Variants in DMD observed in about 807,000 individuals in gnomAD.
The protein encoded by DMD is mutant dystrophin.
Under a neutral mutation model 330.1 loss-of-function variants are expected in DMD, and 63 were observed. The ratio of observed to expected loss-of-function variants is 0.19; its 90% CI spans 0.16 to 0.24. DMD has a LOEUF of 0.24. Ranked by LOEUF, DMD falls within the 10% of genes least tolerant of loss-of-function variation. The pLI, the probability that DMD is intolerant of heterozygous loss-of-function variation, is 1.00. For synonymous variants in DMD, 1,223 were observed against 959.8 expected (o/e 1.27, Z -5.07); for missense variants, 3,344 against 2,684.1 (o/e 1.25, Z -5.43).
At chrX:31,143,415 GC>G (rs1483472207) in intron 76 of DMD, among the ~76,000 whole-genome samples, 1 of 111,185 alleles carries the variant, frequency 9.0e-6, no homozygotes, top group Non-Finnish European at 1.9e-5. Context: ...GTTTCCTGAG[GC>G]CTCCCCAGCC....
At chrX:32,473,413 T>C (rs1444670053) in intron 21 of DMD, among the ~76,000 whole-genome samples, 1 of 111,389 alleles carries the variant, frequency 9.0e-6, no homozygotes, top group East Asian at 2.8e-4. Context: ...AAACAGATAA[T>C]GGCTAATAAT....
rs568414358 is a variant in DMD at position 31,686,771 on chromosome X, G to A, written c.7661-7185C>T. 8.4e-4 allele frequency among the ~76,000 whole-genome samples: 94 copies of A among 111,449 alleles called. 3 individuals are homozygous for A. In the South Asian group the frequency reaches 0.034, roughly 41 times the overall value. Reference sequence around the variant, plus strand: ...AATTACAGATAAATAATTTAGAAACGTCCCTCTATATATTGAAGCCAGTGG... The same window carrying A: ...AATTACAGATAAATAATTTAGAAACATCCCTCTATATATTGAAGCCAGTGG... On this transcript the variant is annotated intron_variant, in intron 52 of 78. Transcript: ENST00000357033.
intron 53 of DMD, among the ~76,000 whole-genome samples, chrX:31,674,898 G>A (rs2081992912): frequency 1.8e-5 from 2 of 112,166 alleles, no homozygotes; most frequent in Non-Finnish European, 3.8e-5. Context: ...TACTATTTTT[G>A]CCTCTTGTGA....
intron 47 of DMD, among the ~76,000 whole-genome samples, chrX:31,878,981 A>C (rs1189978379): frequency 8.9e-6 from 1 of 111,827 alleles, no homozygotes; most frequent in Non-Finnish European, 1.9e-5. Flanking sequence ...TGGAAATTTT[A>C]TTCCCAGGAA....
At position 31,537,923 on chromosome X, in the gene DMD, A is replaced by G. The variant is rs185821133; in HGVS notation, c.8218-30470T>C. On this transcript the variant is annotated intron_variant, in intron 55 of 78. Coordinates refer to ENST00000357033, the MANE Select transcript of DMD (RefSeq NM_004006.3). ...AGTATTTCAAATTTCAGGTTTTGGAATATTTGCATTACCCTATGGATATCA... is the reference window on the plus strand; with the variant it reads ...AGTATTTCAAATTTCAGGTTTTGGAGTATTTGCATTACCCTATGGATATCA... Among the ~76,000 whole-genome samples, 18 of 112,527 alleles carry G rather than the reference A, an allele frequency of 1.6e-4. No homozygotes were observed. The East Asian group carries it at 5.0e-3, about 31-fold the overall frequency.
chrX:32,332,425 T>TGTGTGTGTGTGTGTGTGTG (rs2097685255), intron 41 of DMD, among the ~76,000 whole-genome samples: 1 of 108,980 alleles, frequency 9.2e-6, no homozygotes, highest in African/African-American at 3.3e-5. Flanking sequence ...TGTGTGTGTG[T>TGTGTGTGTGTGTGTGTGTG]GTGTGTGTGT....
intron 2 of DMD, among the ~76,000 whole-genome samples, chrX:32,935,916 G>A (rs891780139): frequency 8.1e-5 from 9 of 111,159 alleles, no homozygotes; most frequent in African/African-American, 2.3e-4. Context: ...GATTTCACTA[G>A]AAAGCATTAA....
At chrX:31,969,996 A>C (rs2095384818) in intron 44 of DMD, among the ~76,000 whole-genome samples, 1 of 112,095 alleles carries the variant, frequency 8.9e-6, no homozygotes, top group African/African-American at 3.2e-5. Context: ...ATTGCTTAGT[A>C]ATAGAGACAC....
intron 62 of DMD, among the ~76,000 whole-genome samples, chrX:31,313,728 A>G (rs1260589184): frequency 1.8e-5 from 2 of 109,125 alleles, no homozygotes; most frequent in African/African-American, 6.7e-5. Flanking sequence ...TATCATGATG[A>G]TTTTAAGTAT....
intron 1 of DMD, among the ~76,000 whole-genome samples, chrX:33,117,640 G>A (rs1207490839): frequency 1.8e-5 from 2 of 111,036 alleles, no homozygotes; most frequent in African/African-American, 3.3e-5. Flanking sequence ...TGAAAACTGA[G>A]GCCCATTGAG....
At chrX:31,544,157 T>C (rs1464471034) in intron 55 of DMD, among the ~76,000 whole-genome samples, 6 of 110,410 alleles carry the variant, frequency 5.4e-5, no homozygotes, top group Non-Finnish European at 1.1e-4. Context: ...ACCCCATCTC[T>C]ACTAAAGATA....
In DMD at chrX:31,879,746, A is replaced by G. The variant is rs766777382; in HGVS notation, c.6913-4373T>C. Among the ~76,000 whole-genome samples the G allele has an allele frequency of 4.5e-5, 5 of 111,989 alleles. No individual in the cohort carries two copies. The South Asian group carries it at 1.5e-3, about 33-fold the overall frequency. On this transcript the variant is annotated intron_variant, in intron 47 of 78. Transcript: ENST00000357033. ...GTTTCCAGGAATCGAGAGTATTCCA[A>G]ATACTTCACGGAAAAATATAACAGG... is the stretch of plus-strand genomic sequence containing the variant.
intron 78 of DMD, among the ~76,000 whole-genome samples, chrX:31,124,835 T>G (rs1401967682): frequency 4.5e-5 from 5 of 111,917 alleles, no homozygotes; most frequent in Non-Finnish European, 9.4e-5. Context: ...GGTGCTCTAT[T>G]TTTTAAAAAT....
intron 7 of DMD, among the ~76,000 whole-genome samples, chrX:32,738,490 G>C (rs775009853): frequency 4.5e-5 from 5 of 111,548 alleles, no homozygotes; most frequent in African/African-American, 1.6e-4. Context: ...TAAAGCAATT[G>C]TAAGGCTTAA....
intron 11 of DMD, among the ~76,000 whole-genome samples, chrX:32,639,299 G>T (rs763730966): frequency 1.4e-4 from 15 of 111,035 alleles, no homozygotes; most frequent in African/African-American, 4.9e-4. Flanking sequence ...TTGTCTTCTT[G>T]CACTTCCACA....
chrX:31,866,308 G>A (rs762171337), intron 48 of DMD, among the ~76,000 whole-genome samples: 4 of 111,374 alleles, frequency 3.6e-5, no homozygotes, highest in Admixed American at 9.6e-5. Flanking sequence ...TGGGGGCTCT[G>A]GAAAACTCAA....
intron 41 of DMD, among the ~76,000 whole-genome samples, chrX:32,328,167 A>G (rs2097660820): frequency 9.0e-6 from 1 of 111,618 alleles, no homozygotes; most frequent in Admixed American, 9.6e-5. Flanking sequence ...ATCTTGATGC[A>G]TTGTTTACAA....
chrX:32,512,194 G>C (rs58674086), intron 18 of DMD, among the ~76,000 whole-genome samples: 3 of 112,050 alleles, frequency 2.7e-5, no homozygotes, highest in Non-Finnish European at 5.6e-5. Context: ...ACCTCTTTCA[G>C]ACCTCTGTTC....
intron 61 of DMD, among the ~76,000 whole-genome samples, chrX:31,336,353 A>T (rs1675528646): frequency 8.9e-6 from 1 of 112,071 alleles, no homozygotes; most frequent in South Asian, 3.7e-4. Context: ...TGTAGTGAGT[A>T]GAGGCCAGAG....
Sources: gnomAD v4.1 joint callset for allele counts (sites outside exome capture counted in the v4.1 genomes callset) on GRCh38, gnomAD v4.1.1 for gene constraint, MANE v1.5 for transcripts, NCBI Gene and HGNC (gene_info 2026-07-23, HGNC 2026-07-21) for gene names.